ERICH1: variants seen among roughly 807,000 people sequenced by gnomAD.
ERICH1 encodes the protein glutamate-rich protein 1.
ERICH1 carries 56 observed loss-of-function variants against 39.6 expected under a neutral mutation model. That is an observed-to-expected ratio of 1.41 (90% CI 1.14 to 1.77). The LOEUF (loss-of-function observed/expected upper bound fraction) is 1.77. Ranked by LOEUF, ERICH1 falls within the 40% of genes most tolerant of loss-of-function variation. The pLI is 0.00. For synonymous variants in ERICH1, 313 were observed against 223.6 expected (o/e 1.40, Z -3.57); for missense variants, 826 against 575.4 (o/e 1.44, Z -4.45).
chr8:661,279 C>G (rs764393649), downstream of ERICH1, among the ~76,000 whole-genome samples: 3 of 152,182 alleles, frequency 2.0e-5, no homozygotes, highest in Non-Finnish European at 4.4e-5. Context: ...AGAACTGACC[C>G]TGTGGGCCCT....
At chr8:638,483 G>A (rs1486779379) in intron 3 of ERICH1, among the ~76,000 whole-genome samples, 2 of 152,196 alleles carry the variant, frequency 1.3e-5, no homozygotes, top group African/African-American at 2.4e-5. Context: ...AAGGTTCGTG[G>A]GTTCAAAACT....
intron 1 of ERICH1, among the ~76,000 whole-genome samples, chr8:724,148 C>G (rs1818000058): frequency 6.6e-6 from 1 of 152,128 alleles, no homozygotes; most frequent in African/African-American, 2.4e-5. Flanking sequence ...GACATGGGAT[C>G]CTCACGTAGG....
chr8:665,144 C>T lies in ERICH1; in HGVS notation c.1259-468G>A, dbSNP rs144540436. The stretch of plus-strand genomic sequence containing the variant: ...CGTCATGAAACCAGGGCAGTGGCAG[C>T]GCCGGCCAAAGGCAGCCAAGACACC... On this transcript the variant is annotated intron_variant, in intron 5 of 5. Transcript: ENST00000262109. Among the ~76,000 whole-genome samples the T allele has an allele frequency of 1.0e-3, 154 of 152,312 alleles. 1 individual carries two copies. Among genetic ancestry groups the T allele is most frequent in the African/African-American group, 3.5e-3 (147 of 41,570 alleles).
intron 3 of ERICH1, among the ~76,000 whole-genome samples, chr8:686,448 TAAAAAAAAAAAA>T (rs59620199): frequency 4.1e-5 from 6 of 147,400 alleles, no homozygotes; most frequent in African/African-American, 1.2e-4. Context: ...CTAGGCAAGC[TAAAAAAAAAAAA>T]AAAAACAAAA....
intron 3 of ERICH1, among the ~76,000 whole-genome samples, chr8:674,855 T>C (rs1402017440): frequency 6.6e-6 from 1 of 152,226 alleles, no homozygotes; most frequent in Non-Finnish European, 1.5e-5. Context: ...CATAGGTTGG[T>C]GATGTGCTGG....
chr8:692,334 C>G, intron 3 of ERICH1, 144 bp downstream of exon 3: 1 of 1,186,916 alleles, frequency 8.4e-7, no homozygotes, highest in South Asian at 1.6e-5. Flanking sequence ...CAAAGGTACA[C>G]CATGTGGTTC....
At chr8:634,359 G>T (rs981192441) in intron 3 of ERICH1, among the ~76,000 whole-genome samples, 1 of 151,328 alleles carries the variant, frequency 6.6e-6, no homozygotes, top group African/African-American at 2.4e-5. Flanking sequence ...GGAGCGCTTG[G>T]AACCCTCGTG....
intron 3 of ERICH1, chr8:626,416 G>C (rs1797597187): frequency 6.6e-6 from 1 of 152,210 alleles, no homozygotes; most frequent in Non-Finnish European, 1.5e-5. Flanking sequence ...TGCAGGAGCT[G>C]GGGTGGGGTC....
intron 3 of ERICH1, among the ~76,000 whole-genome samples, chr8:625,354 T>C (rs372411948): frequency 1.1e-4 from 17 of 152,260 alleles, no homozygotes; most frequent in African/African-American, 4.1e-4. Flanking sequence ...CGACGCTGAG[T>C]TAAAGAAGCC....
At chr8:616,549 G>T (rs1178420148) in intron 3 of ERICH1, 2 of 455,860 alleles carry the variant, frequency 4.4e-6, no homozygotes, top group Non-Finnish European at 8.8e-6. Context: ...CGCACATCTG[G>T]GAACTGGAGC....
chr8:694,284 A>T (rs534263819), intron 2 of ERICH1, among the ~76,000 whole-genome samples: 2 of 152,244 alleles, frequency 1.3e-5, no homozygotes. Context: ...TCCCTGCCGG[A>T]GCCAAGGGCA....
chr8:716,477 G>A (rs1320639688), intron 1 of ERICH1, among the ~76,000 whole-genome samples: 4 of 152,184 alleles, frequency 2.6e-5, no homozygotes, highest in South Asian at 2.1e-4. Context: ...GCACCACCCC[G>A]CGCCCTCTGG....
At chr8:618,675 C>T (rs1046103107) in intron 3 of ERICH1, among the ~76,000 whole-genome samples, 1 of 152,154 alleles carries the variant, frequency 6.6e-6, no homozygotes, top group Non-Finnish European at 1.5e-5. Flanking sequence ...AGACTAACTG[C>T]GTTATCACAC....
chr8:656,452 T>A (rs1703937), intron 3 of ERICH1, among the ~76,000 whole-genome samples: 60,304 of 152,090 alleles, frequency 0.4, 12,043 homozygotes, highest in Middle Eastern at 0.49. Context: ...GTCATCTCTA[T>A]GTTTGTTTGC....
intron 1 of ERICH1, among the ~76,000 whole-genome samples, chr8:728,387 T>C (rs956608871): frequency 2.0e-5 from 3 of 152,258 alleles, no homozygotes; most frequent in African/African-American, 4.8e-5. Flanking sequence ...CAACGCCAGA[T>C]GCAGTCACTC....
intron 1 of ERICH1, among the ~76,000 whole-genome samples, chr8:724,193 G>T (rs1361200309): frequency 6.6e-6 from 1 of 152,126 alleles, no homozygotes; most frequent in Non-Finnish European, 1.5e-5. Flanking sequence ...TTTTCTACTG[G>T]AACTCTAACC....
chr8:688,829 C>T (rs918939688), intron 3 of ERICH1, among the ~76,000 whole-genome samples: 3 of 152,156 alleles, frequency 2.0e-5, no homozygotes, highest in Non-Finnish European at 4.4e-5. Flanking sequence ...CTCTCTTATC[C>T]AACAAGAAGT....
At chr8:690,078 A>C (rs889659846) in intron 3 of ERICH1, among the ~76,000 whole-genome samples, 3 of 152,130 alleles carry the variant, frequency 2.0e-5, no homozygotes, top group Admixed American at 1.3e-4. Flanking sequence ...GCAAGACGCA[A>C]CCCCACGTCA....
chr8:702,721 G>A (rs1001847818), intron 2 of ERICH1, among the ~76,000 whole-genome samples: 2 of 152,356 alleles, frequency 1.3e-5, no homozygotes, highest in Middle Eastern at 3.4e-3. Context: ...TTGTGTGGGA[G>A]CGACACTGGT....
Sources: allele counts gnomAD v4.1 joint callset (sites outside exome capture counted in the v4.1 genomes callset), GRCh38; gene constraint gnomAD v4.1.1; transcripts MANE v1.5; gene names NCBI Gene and HGNC (gene_info 2026-07-23, HGNC 2026-07-21).